Variants in WDFY2 observed in about 807,000 individuals in gnomAD.
WDFY2 encodes WD repeat and FYVE domain containing 2, also known as WD repeat and FYVE domain-containing protein 2.
WDFY2 carries 36 observed loss-of-function variants against 56.4 expected under a neutral mutation model. The observed-to-expected ratio is 0.64, with a 90% CI of 0.49 to 0.84. The LOEUF (loss-of-function observed/expected upper bound fraction) is 0.84, where lower values mean the gene tolerates loss of function less well. Among genes scored for constraint, WDFY2 ranks in the 40% least tolerant of loss-of-function variants. WDFY2 has a pLI of 0.00. For synonymous variants in WDFY2, 176 were observed against 183.7 expected (o/e 0.96, Z 0.34); for missense variants, 444 against 512.2 (o/e 0.87, Z 1.29).
chr13:51,670,434 C>G (rs1320417298), intron 2 of WDFY2, among the ~76,000 whole-genome samples: 1 of 151,386 alleles, frequency 6.6e-6, no homozygotes, highest in African/African-American at 2.4e-5. Context: ...GTGGGAGTGT[C>G]ACAGTTGGAA....
chr13:51,631,701 C>CA (rs1954955860), intron 1 of WDFY2, among the ~76,000 whole-genome samples: 2 of 152,212 alleles, frequency 1.3e-5, no homozygotes, highest in South Asian at 4.1e-4. Context: ...TCAACATTGA[C>CA]ACGCATTATT....
At position 51,761,466 on chromosome 13, in the gene WDFY2, C is replaced by T. The variant is rs1251151450; in HGVS notation, c.*1697C>T. The T allele has an allele frequency of 6.6e-6, 1 of 152,200 alleles. No individual in the cohort carries two copies. Among genetic ancestry groups the T allele is most frequent in the Non-Finnish European group, 1.5e-5 (1 of 68,056 alleles). 9.4% of individuals were successfully genotyped at this position (152,200 alleles called of 1,614,324 possible). ...CACGTGTCGGGAGCATCAGGGAGCT[C>T]ACCAGTCTCTTGAGGATCACAGGCC... On this transcript the variant is annotated 3_prime_UTR_variant, in exon 12 of 12. Transcript: ENST00000298125.
rs554108210 is a variant in WDFY2 at position 51,641,592 on chromosome 13, C to T, written c.138-19004C>T. On this transcript the variant is annotated intron_variant, in intron 1 of 11. Transcript: ENST00000298125. ...CTGTAATCCCAGCACTTTGGGAGGC[C>T]GAGGCGGGCGGATCACGAGGTCAGG... Among the ~76,000 whole-genome samples, 756 of 150,420 alleles carry T rather than the reference C, an allele frequency of 5.0e-3. 5 individuals are homozygous for T. Among genetic ancestry groups the T allele is most frequent in the African/African-American group, 0.014 (593 of 41,230 alleles).
intron 9 of WDFY2, 33 bp from the exon 10 acceptor site, chr13:51,756,299 G>A (rs774219956): frequency 3.1e-5 from 49 of 1,596,468 alleles, no homozygotes; most frequent in Non-Finnish European, 3.8e-5. Context: ...TGAGGGAGCC[G>A]TGATGAGTAT....
chr13:51,721,486 G>A (rs1952489566), intron 5 of WDFY2, among the ~76,000 whole-genome samples: 1 of 152,108 alleles, frequency 6.6e-6, no homozygotes, highest in African/African-American at 2.4e-5. Flanking sequence ...TTTGATGTAG[G>A]ATTATAACCA....
In WDFY2 at chr13:51,754,730, T is replaced by C. The variant is rs76656063; in HGVS notation, c.832-628T>C. Among the ~76,000 whole-genome samples, 958 of 152,352 alleles carry C rather than the reference T, an allele frequency of 6.3e-3. 13 individuals are homozygous for C. Among genetic ancestry groups the C allele is most frequent in the East Asian group, 0.021 (110 of 5,190 alleles). On this transcript the variant is annotated intron_variant, in intron 8 of 11. Coordinates refer to ENST00000298125, the MANE Select transcript of WDFY2 (RefSeq NM_052950.4). ...TTTTCCAGGGGTTCTTTGTATACAGTAATTTGCAGGAGTTGTTTGTTACAA... is the reference window on the plus strand; with the variant it reads ...TTTTCCAGGGGTTCTTTGTATACAGCAATTTGCAGGAGTTGTTTGTTACAA...
chr13:51,739,010 T>C, intron 6 of WDFY2, 39 bp from the exon 7 acceptor site: 2 of 1,510,280 alleles, frequency 1.3e-6, no homozygotes, highest in Non-Finnish European at 1.8e-6. Context: ...GTAAGAGTCT[T>C]ACCTTGTGAC....
At chr13:51,685,840 G>A (rs951684461) in intron 3 of WDFY2, among the ~76,000 whole-genome samples, 2 of 152,160 alleles carry the variant, frequency 1.3e-5, no homozygotes, top group African/African-American at 2.4e-5. Flanking sequence ...GGCAGGAAAC[G>A]TATGCATTGG....
At chr13:51,590,970 T>G (rs1954032814) in intron 1 of WDFY2, 1 of 152,178 alleles carries the variant, frequency 6.6e-6, no homozygotes, top group Admixed American at 6.5e-5. Context: ...GGAGTGCTAC[T>G]TTATGGTCTC....
At chr13:51,675,645 T>G (rs186445416) in intron 3 of WDFY2, among the ~76,000 whole-genome samples, 1 of 152,358 alleles carries the variant, frequency 6.6e-6, no homozygotes, top group East Asian at 1.9e-4. Context: ...GCATGTCTGA[T>G]CCTGTCTTTG....
chr13:51,661,747 A>G (rs1235720675), intron 2 of WDFY2, among the ~76,000 whole-genome samples: 2 of 152,264 alleles, frequency 1.3e-5, no homozygotes, highest in Non-Finnish European at 2.9e-5. Flanking sequence ...AGACGATAAT[A>G]ACCAAGCTGA....
intron 4 of WDFY2, among the ~76,000 whole-genome samples, chr13:51,717,096 C>T (rs1388722580): frequency 6.6e-6 from 1 of 152,078 alleles, no homozygotes; most frequent in Non-Finnish European, 1.5e-5. Context: ...AGATGCTTTC[C>T]CTCTAAGATC....
At chr13:51,650,328 G>A (rs1955349981) in intron 1 of WDFY2, among the ~76,000 whole-genome samples, 1 of 152,162 alleles carries the variant, frequency 6.6e-6, no homozygotes, top group Non-Finnish European at 1.5e-5. Flanking sequence ...AGACAATGGG[G>A]TTTTCTAGAT....
At chr13:51,756,778 G>T in intron 10 of WDFY2, 1 of 438,108 alleles carries the variant, frequency 2.3e-6, no homozygotes, top group Non-Finnish European at 3.0e-6. Context: ...AGGAGTATAA[G>T]GGCTCAGGAT....
rs977494333 is a variant in WDFY2 at position 51,584,501 on chromosome 13, G to C, written c.-187G>C. On this transcript the variant is annotated 5_prime_UTR_variant, in exon 1 of 12. Transcript: ENST00000298125. Reference sequence around the variant, plus strand: ...TTGCATCCCAGGTCGTGGCGGTTTTGGTGCCTGAAGCAGGGAGCGCGGAGT... The same window carrying C: ...TTGCATCCCAGGTCGTGGCGGTTTTCGTGCCTGAAGCAGGGAGCGCGGAGT... 2.7e-6 allele frequency: 2 copies of C among 744,574 alleles called. No individual in the cohort carries two copies. The highest frequency in any genetic ancestry group is 4.4e-5 in the South Asian group (2 of 45,964). The allele number at this position is 744,574 out of a possible 1,614,324, so 46.1% of individuals were successfully genotyped here. A position where few individuals can be genotyped will look rare whatever the true frequency, so the allele number is the denominator to read the frequency against.
intron 1 of WDFY2, among the ~76,000 whole-genome samples, chr13:51,658,301 TTC>T (rs1272168139): frequency 1.3e-5 from 2 of 152,232 alleles, no homozygotes; most frequent in Non-Finnish European, 2.9e-5. Flanking sequence ...ATAAAAAAGT[TTC>T]TGTCTCTAAT....
chr13:51,636,547 A>G (rs1164060778), intron 1 of WDFY2, among the ~76,000 whole-genome samples: 1 of 152,222 alleles, frequency 6.6e-6, no homozygotes, highest in African/African-American at 2.4e-5. Context: ...CAGGTATGGA[A>G]AGTACTCATG....
At chr13:51,603,313 C>T (rs1593864678) in intron 1 of WDFY2, among the ~76,000 whole-genome samples, 1 of 152,022 alleles carries the variant, frequency 6.6e-6, no homozygotes, top group Non-Finnish European at 1.5e-5. Context: ...TAGAAGTTCC[C>T]TTGTGGGGCA....
chr13:51,641,367 C>T (rs912746423), intron 1 of WDFY2, among the ~76,000 whole-genome samples: 1 of 151,880 alleles, frequency 6.6e-6, no homozygotes, highest in Non-Finnish European at 1.5e-5. Flanking sequence ...CCGCAGCCAG[C>T]CTGTTCATGG....
Sources: gnomAD v4.1 joint callset for allele counts (sites outside exome capture counted in the v4.1 genomes callset) on GRCh38, gnomAD v4.1.1 for gene constraint, MANE v1.5 for transcripts, NCBI Gene and HGNC (gene_info 2026-07-23, HGNC 2026-07-21) for gene names.